NSD1: variants seen among roughly 807,000 people sequenced by gnomAD.
NSD1 encodes histone-lysine N-methyltransferase, H3 lysine-36 specific.
A neutral mutation model predicts 242.7 loss-of-function variants in NSD1; 26 were observed. The observed-to-expected ratio is 0.11, with a 90% CI of 0.08 to 0.15. The LOEUF (loss-of-function observed/expected upper bound fraction) is 0.15. NSD1 is among the 10% of genes least tolerant of loss of function. The pLI is 1.00. For missense variants in NSD1, 2,495 were observed against 3,272.8 expected, an observed-to-expected ratio of 0.76 and a Z score of 5.80; for synonymous variants, 1,106 against 1,178.1, an observed-to-expected ratio of 0.94 and a Z score of 1.25.
chr5:177,273,520 G>A, intron 16 of NSD1, 152 bp from the exon 17 acceptor site: 3 of 636,100 alleles, frequency 4.7e-6, no homozygotes, highest in Middle Eastern at 4.4e-4. Flanking sequence ...GAAAATAGCT[G>A]TTATGTGTTT....
intron 5 of NSD1, among the ~76,000 whole-genome samples, chr5:177,222,486 C>G (rs957932928): frequency 1.3e-5 from 2 of 152,202 alleles, no homozygotes; most frequent in Non-Finnish European, 2.9e-5. Flanking sequence ...GAGGGTTCCA[C>G]TTCCTCCATA....
chr5:177,256,573 T>C (rs1226687979), intron 12 of NSD1, among the ~76,000 whole-genome samples: 1 of 152,204 alleles, frequency 6.6e-6, no homozygotes, highest in Non-Finnish European at 1.5e-5. Flanking sequence ...GTGAGCCTCC[T>C]CTCCCAGCCC....
At chr5:177,208,235 G>C (rs775027469) in intron 4 of NSD1, among the ~76,000 whole-genome samples, 1 of 152,200 alleles carries the variant, frequency 6.6e-6, no homozygotes, top group Middle Eastern at 3.2e-3. Context: ...TTTTCATGCT[G>C]TGAGGTATCC....
intron 5 of NSD1, among the ~76,000 whole-genome samples, chr5:177,231,608 A>G (rs1038916114): frequency 2.0e-5 from 3 of 151,912 alleles, no homozygotes; most frequent in African/African-American, 4.8e-5. Context: ...TTTAGTAGAG[A>G]CGGGGTTTTT....
chr5:177,177,696 A>G (rs541154561), intron 2 of NSD1, among the ~76,000 whole-genome samples: 186 of 152,208 alleles, frequency 1.2e-3, no homozygotes, highest in African/African-American at 4.4e-3. Flanking sequence ...GTTCACAATT[A>G]TATGTGTGAG....
intron 12 of NSD1, among the ~76,000 whole-genome samples, chr5:177,255,910 C>A (rs1756410775): frequency 6.6e-6 from 1 of 152,124 alleles, no homozygotes; most frequent in South Asian, 2.1e-4. Context: ...AAGACATACA[C>A]CAGGGTAGAA....
In NSD1 at chr5:177,277,024, A is replaced by G. The variant is rs141661169; in HGVS notation, c.5622+3240A>G. On this transcript the variant is annotated intron_variant, in intron 17 of 22. Coordinates refer to ENST00000439151, the MANE Select transcript of NSD1 (RefSeq NM_022455.5). ...TAGTCCTGAGGGTCAGATAACAGCA[A>G]GGTAGGCATTTTAGAGTTAACATAT... 4.1e-3 allele frequency among the ~76,000 whole-genome samples: 627 copies of G among 152,322 alleles called. 3 individuals carry two copies. Among genetic ancestry groups the G allele is most frequent in the Middle Eastern group, 6.8e-3 (2 of 294 alleles).
At chr5:177,176,306 C>CTGGAG (rs1200946111) in intron 2 of NSD1, among the ~76,000 whole-genome samples, 2 of 149,110 alleles carry the variant, frequency 1.3e-5, no homozygotes, top group African/African-American at 4.9e-5. Flanking sequence ...TTTGCCTAGG[C>CTGGAG]TGGAGTGCAA....
chr5:177,133,334 TG>T, upstream of NSD1, among the ~76,000 whole-genome samples: 1 of 151,920 alleles, frequency 6.6e-6, no homozygotes, highest in East Asian at 1.9e-4. This position sits in a 1 kb window ranked among gnomAD's most constrained non-coding sequence, Gnocchi z 6.2. Context: ...AGGTGCCGCC[TG>T]GGTTGGGGTT....
intron 4 of NSD1, among the ~76,000 whole-genome samples, chr5:177,204,499 G>A (rs1227364147): frequency 2.6e-5 from 4 of 152,174 alleles, no homozygotes; most frequent in Admixed American, 2.0e-4. Context: ...TATTATAAGC[G>A]AGCACCACCA....
intron 12 of NSD1, among the ~76,000 whole-genome samples, chr5:177,252,718 A>AT (rs991633276): frequency 6.7e-6 from 1 of 149,556 alleles, no homozygotes. Flanking sequence ...TGCGTGGGCA[A>AT]TTTTTTTTAT....
intron 2 of NSD1, 108 bp from the exon 3 acceptor site, chr5:177,191,776 C>G: frequency 1.7e-6 from 2 of 1,151,802 alleles, no homozygotes; most frequent in Non-Finnish European, 2.6e-6. Context: ...AGAGTGTTTT[C>G]ATTCTCAATT....
intron 4 of NSD1, among the ~76,000 whole-genome samples, chr5:177,204,497 G>T (rs2149836701): frequency 6.6e-6 from 1 of 152,264 alleles, no homozygotes; most frequent in African/African-American, 2.4e-5. Context: ...GGTATTATAA[G>T]CGAGCACCAC....
rs749277550 is a variant in NSD1 at position 177,282,529 on chromosome 5, G to T, written c.5957G>T (p.Arg1986Leu). 3.1e-6 allele frequency: 5 copies of T among 1,613,906 alleles called. No individual in the cohort carries two copies. Among genetic ancestry groups the T allele is most frequent in the Non-Finnish European group, 4.2e-6 (5 of 1,179,820 alleles). ...IDEEECRARI[R>L]YAQEHDITNF... is the part of the protein sequence containing the mutation. ...GAAGAAGAATGCAGAGCTCGAATTC[G>T]CTATGCTCAAGAACATGATATCACT... The change falls in exon 19 of 23, where the codon CGC (arginine) becomes CTC (leucine). Residue 1986 changes from arginine (R) to leucine (L), a missense_variant. Coordinates refer to ENST00000439151, the MANE Select transcript of NSD1 (RefSeq NM_022455.5).
intron 9 of NSD1, among the ~76,000 whole-genome samples, chr5:177,244,522 A>T (rs2048973774): frequency 6.6e-6 from 1 of 152,206 alleles, no homozygotes; most frequent in South Asian, 2.1e-4. Context: ...TATTATCTAT[A>T]GTATTCCTGT....
In NSD1 at chr5:177,238,927, A is replaced by G. The variant is rs1562245528; in HGVS notation, c.4192+420A>G. 2.0e-5 allele frequency among the ~76,000 whole-genome samples: 3 copies of G among 152,222 alleles called. No homozygotes were observed. Among genetic ancestry groups the G allele is most frequent in the Non-Finnish European group, 4.4e-5 (3 of 68,046 alleles). ...CATCTATAAATGGAGATCATAATGT[A>G]TTAATGTGTAATGTTATATACCTGA... On this transcript the variant is annotated intron_variant, in intron 7 of 22. Coordinates refer to ENST00000439151, the MANE Select transcript of NSD1 (RefSeq NM_022455.5). The surrounding 1 kb of genome is among the most constrained non-coding windows in gnomAD (Gnocchi z 4.6).
At chr5:177,257,731 A>C (rs914422456) in intron 13 of NSD1, among the ~76,000 whole-genome samples, 9 of 152,086 alleles carry the variant, frequency 5.9e-5, no homozygotes, top group African/African-American at 2.2e-4. Context: ...ATTTCATGTG[A>C]GATGTAGTTT....
At chr5:177,264,284 A>G (rs769342719) in intron 14 of NSD1, among the ~76,000 whole-genome samples, 40 of 152,106 alleles carry the variant, frequency 2.6e-4, no homozygotes, top group Non-Finnish European at 4.7e-4. Flanking sequence ...TATGTAAAAG[A>G]TGCATTCAAA....
Position 177,209,927 on chromosome 5 carries a change from A to T in NSD1, c.1528A>T (p.Ser510Cys). ...GAGCTCTGATAATCCAAAAAGGACT[A>T]GTGTGAAAAAGGGCCACATACAATT... is the stretch of plus-strand genomic sequence containing the variant. ...RKSSDNPKRT[S>C]VKKGHIQFEA... The change falls in exon 5 of 23, where the codon AGT (serine) becomes TGT (cysteine). Residue 510 changes from serine to cysteine, a missense_variant. Coordinates refer to ENST00000439151, the MANE Select transcript of NSD1 (RefSeq NM_022455.5). The T allele has an allele frequency of 6.2e-7, 1 of 1,614,150 alleles. No individual in the cohort carries two copies. Among genetic ancestry groups the T allele is most frequent in the Non-Finnish European group, 8.5e-7 (1 of 1,180,016 alleles).
Sources: gnomAD v4.1 joint callset for allele counts (sites outside exome capture counted in the v4.1 genomes callset) on GRCh38, gnomAD v4.1.1 for gene constraint, Gnocchi (gnomAD v3.1) non-coding constraint, MANE v1.5 for transcripts, NCBI Gene and HGNC (gene_info 2026-07-23, HGNC 2026-07-21) for gene names.